Variants in MYCBP2 observed in about 807,000 individuals in gnomAD.
MYCBP2 encodes MYC binding protein 2.
Under a neutral mutation model 525.3 loss-of-function variants are expected in MYCBP2, and 120 were observed. The ratio of observed to expected loss-of-function variants is 0.23; its 90% CI spans 0.20 to 0.27. The LOEUF is 0.27. Ranked by LOEUF, MYCBP2 falls within the 10% of genes least tolerant of loss-of-function variation. The pLI, the probability that MYCBP2 is intolerant of heterozygous loss-of-function variation, is 1.00. For missense variants in MYCBP2, 4,149 were observed against 5,657.1 expected, an observed-to-expected ratio of 0.73 and a Z score of 8.55; for synonymous variants, 1,894 against 1,955.8, an observed-to-expected ratio of 0.97 and a Z score of 0.83.
chr13:77,169,195 T>G (rs2058861050), intron 39 of MYCBP2, among the ~76,000 whole-genome samples: 1 of 151,126 alleles, frequency 6.6e-6, no homozygotes, highest in Non-Finnish European at 1.5e-5. Flanking sequence ...GATCACGAGG[T>G]CAGGAGATCG....
At position 77,258,736 on chromosome 13, in the gene MYCBP2, TTTATTA is replaced by T. The variant is rs540970849; in HGVS notation, c.2018-913_2018-908del. On this transcript the variant is annotated intron_variant, in intron 13 of 82. Coordinates refer to ENST00000544440, the MANE Select transcript of MYCBP2 (RefSeq NM_015057.5). ...GTGTATATATATAAAACAGTAGTTA[TTTATTA>T]TTATTATTAACAGTACTAGCTGACA... is the stretch of plus-strand genomic sequence containing the variant. 2.2e-4 allele frequency among the ~76,000 whole-genome samples: 33 copies of T among 152,218 alleles called. 1 individual carries two copies. The highest frequency in any genetic ancestry group is 1.2e-3 in the South Asian group (6 of 4,826).
At chr13:77,312,189 G>A (rs1299462915) in intron 1 of MYCBP2, among the ~76,000 whole-genome samples, 1 of 151,900 alleles carries the variant, frequency 6.6e-6, no homozygotes, top group Non-Finnish European at 1.5e-5. Flanking sequence ...CATTCTCAAA[G>A]AAAAACAAAG....
intron 10 of MYCBP2, 57 bp from the exon 11 acceptor site, chr13:77,262,186 C>T (rs1289215085): frequency 7.3e-7 from 1 of 1,377,564 alleles, no homozygotes; most frequent in African/African-American, 1.4e-5. Context: ...ATTCTAAATA[C>T]AACATGCACT....
At chr13:77,276,816 G>GTTTTTTTTTTTTTTTTTTTTTTTTTTTTT (rs397851660) in intron 4 of MYCBP2, among the ~76,000 whole-genome samples, 1 of 76,220 alleles carries the variant, frequency 1.3e-5, no homozygotes, top group African/African-American at 5.7e-5. Flanking sequence ...TCCATGCCCA[G>GTTTTTTTTTTTTTTTTTTTTTTTTTTTTT]TTTTTTTTTT....
chr13:77,165,542 C>T lies in MYCBP2; in HGVS notation c.6341-151G>A, dbSNP rs1209166777. Reference sequence around the variant, plus strand: ...ACTTAAATAGACTTGCGGCGGGGAGCGTTCCTATATCTACTTGAGGAAACT... The same window carrying T: ...ACTTAAATAGACTTGCGGCGGGGAGTGTTCCTATATCTACTTGAGGAAACT... On this transcript the variant is annotated intron_variant, in intron 41 of 82. Transcript: ENST00000544440. 4 of 578,764 alleles carry T rather than the reference C, an allele frequency of 6.9e-6. 1 individual carries two copies. The highest frequency in any genetic ancestry group is 4.6e-4 in the Middle Eastern group (1 of 2,166). The allele number at this position is 578,764 out of a possible 1,614,324, so 35.9% of individuals were successfully genotyped here. A position where few individuals can be genotyped will look rare whatever the true frequency, so the allele number is the denominator to read the frequency against.
intron 55 of MYCBP2, among the ~76,000 whole-genome samples, chr13:77,109,350 C>T (rs2048389961): frequency 6.6e-6 from 1 of 152,160 alleles, no homozygotes; most frequent in Non-Finnish European, 1.5e-5. Flanking sequence ...AGGGTTTGCA[C>T]TCTTATGAGA....
At chr13:77,217,536 C>T (rs764978174) in intron 21 of MYCBP2, among the ~76,000 whole-genome samples, 20 of 152,112 alleles carry the variant, frequency 1.3e-4, no homozygotes, top group Admixed American at 4.6e-4. Context: ...TGAGAAATAA[C>T]CTTTCCTATG....
In MYCBP2 at chr13:77,288,179, G is replaced by A. The variant is rs368647771; in HGVS notation, c.576C>T (p.Pro192=). 6.2e-7 allele frequency: 1 copy of A among 1,614,082 alleles called. No individual in the cohort carries two copies. Among genetic ancestry groups the A allele is most frequent in the African/African-American group, 1.3e-5 (1 of 75,056 alleles). ...GGCTTACCTTTGGAAGCTTGATAGG[G>A]GGCTCTTTGGATTCCTCTTCTTCAT... The part of the protein sequence containing the change: ...DSDEEEESKE[P]PIKLPKIIEV... Residue 192 remains proline (P), a synonymous_variant, in exon 3 of 83, where the codon CCC becomes CCT. Transcript: ENST00000544440.
chr13:77,098,314 G>A lies in MYCBP2; in HGVS notation c.8840C>T (p.Thr2947Ile). 1 of 1,611,562 alleles carries A rather than the reference G, an allele frequency of 6.2e-7. No homozygotes were observed. Among genetic ancestry groups the A allele is most frequent in the Non-Finnish European group, 8.5e-7 (1 of 1,179,736 alleles). Residue 2947 changes from threonine (T) to isoleucine (I), a missense_variant, in exon 56 of 83, where the codon ACA (threonine) becomes ATA (isoleucine). Physicochemically the swap from Thr to Ile is moderately conservative, Grantham distance 89 (BLOSUM62 -1). This residue lies in a region of MYCBP2 where 653 missense variants were observed against 744.7 expected (regional missense o/e 0.88). Transcript: ENST00000544440. The stretch of plus-strand genomic sequence containing the variant: ...ACTGCTGTCATCGCAGGTGCTGTCT[G>A]TTAGACTATTTGTTTTTAAAGTACT... ...TSSTLKTNSL[T>I]DSTCDDSSEF...
intron 55 of MYCBP2, among the ~76,000 whole-genome samples, chr13:77,107,321 A>C (rs2048005063): frequency 6.6e-6 from 1 of 152,200 alleles, no homozygotes; most frequent in Non-Finnish European, 1.5e-5. Flanking sequence ...ATTCTTATAG[A>C]CAATATATAA....
chr13:77,091,030 T>A (rs1435250776), intron 59 of MYCBP2, among the ~76,000 whole-genome samples: 3 of 152,182 alleles, frequency 2.0e-5, no homozygotes, highest in Admixed American at 6.5e-5. Context: ...CCTTTTTCTG[T>A]CACCTGAATT....
chr13:77,168,749 T>A, intron 39 of MYCBP2, 103 bp from the exon 40 acceptor site: 1 of 1,042,174 alleles, frequency 9.6e-7, no homozygotes, highest in Non-Finnish European at 1.4e-6. Context: ...AATTTCCATC[T>A]AAATTTTCCA....
chr13:77,188,879 G>T, intron 30 of MYCBP2, 72 bp downstream of exon 30: 1 of 1,017,756 alleles, frequency 9.8e-7, no homozygotes, highest in Non-Finnish European at 1.4e-6. Context: ...TACAAGAGCA[G>T]CTAAACTCTA....
intron 23 of MYCBP2, among the ~76,000 whole-genome samples, chr13:77,208,055 C>T (rs2063558424): frequency 6.6e-6 from 1 of 151,186 alleles, no homozygotes; most frequent in Non-Finnish European, 1.5e-5. Context: ...TTCCCTCTAC[C>T]CCTTCCTTTT....
At chr13:77,146,521 A>G (rs1285638233) in intron 47 of MYCBP2, among the ~76,000 whole-genome samples, 1 of 152,078 alleles carries the variant, frequency 6.6e-6, no homozygotes, top group African/African-American at 2.4e-5. Flanking sequence ...AAAAGCTTCC[A>G]CCTTGGAGAA....
At chr13:77,297,407 T>A (rs929159018) in intron 1 of MYCBP2, among the ~76,000 whole-genome samples, 1 of 152,144 alleles carries the variant, frequency 6.6e-6, no homozygotes, top group African/African-American at 2.4e-5. Flanking sequence ...GAAAGCACAG[T>A]TTAGTGATCT....
At chr13:77,062,497 T>A in intron 74 of MYCBP2, 99 bp downstream of exon 74, 1 of 985,724 alleles carries the variant, frequency 1.0e-6, no homozygotes, top group East Asian at 2.5e-5. Flanking sequence ...ACTAACTGTT[T>A]ATGTTGATGT....
At chr13:77,078,042 C>T (rs370382189) in intron 66 of MYCBP2, 5 of 150,862 alleles carry the variant, frequency 3.3e-5, no homozygotes, top group African/African-American at 7.3e-5. Flanking sequence ...AATGACCTGG[C>T]GATTTCTATG....
intron 45 of MYCBP2, 41 bp downstream of exon 45, chr13:77,157,896 G>T (rs755708888): frequency 6.7e-7 from 1 of 1,503,424 alleles, no homozygotes; most frequent in Admixed American, 2.1e-5. Context: ...GAAGAAAGAT[G>T]AAAGCCCTAA....
Sources: gnomAD v4.1 joint callset for allele counts (sites outside exome capture counted in the v4.1 genomes callset) on GRCh38, gnomAD v4.1.1 for gene constraint, gnomAD v4.1.1 regional missense constraint, MANE v1.5 for transcripts, NCBI Gene and HGNC (gene_info 2026-07-23, HGNC 2026-07-21) for gene names.